The following HEATR5B variants were observed in gnomAD, a reference collection of about 807,000 sequenced individuals.
HEATR5B encodes HEAT repeat containing 5B.
HEATR5B carries 156 observed loss-of-function variants against 224.1 expected under a neutral mutation model. The observed-to-expected ratio is 0.70, with a 90% CI of 0.61 to 0.80. The LOEUF is 0.80. HEATR5B is among the 30% of genes least tolerant of loss of function. The pLI, the probability that HEATR5B is intolerant of heterozygous loss-of-function variation, is 0.00. For synonymous variants in HEATR5B, 1,027 were observed against 893.0 expected (o/e 1.15, Z -2.68); for missense variants, 2,323 against 2,535.5 (o/e 0.92, Z 1.80).
chr2:37,032,165 G>A (rs774394058), intron 22 of HEATR5B, among the ~76,000 whole-genome samples: 1 of 151,996 alleles, frequency 6.6e-6, no homozygotes, highest in Non-Finnish European at 1.5e-5. Context: ...TCAAGAAATG[G>A]CAGAAATATT....
intron 30 of HEATR5B, among the ~76,000 whole-genome samples, chr2:37,004,300 G>A (rs762973298): frequency 1.3e-5 from 2 of 151,162 alleles, no homozygotes; most frequent in Admixed American, 6.6e-5. Context: ...CTTTCCTTAT[G>A]TGCTCCTATC....
chr2:37,066,311 T>G (rs1448684543), intron 8 of HEATR5B, among the ~76,000 whole-genome samples: 1 of 152,216 alleles, frequency 6.6e-6, no homozygotes, highest in African/African-American at 2.4e-5. Flanking sequence ...GTTAATGGGC[T>G]TACATGCCTA....
At position 37,032,954 on chromosome 2, in the gene HEATR5B, C is replaced by T. The variant is rs377307265; in HGVS notation, c.3217-181G>A. On this transcript the variant is annotated intron_variant, in intron 21 of 35. Coordinates refer to ENST00000233099, the MANE Select transcript of HEATR5B (RefSeq NM_019024.3). Reference sequence around the variant, plus strand: ...GGAGCGCAGTGGCGTGATCTCAGCTCACTGCAACCTCCGCCTTCTGGTTTC... The same window carrying T: ...GGAGCGCAGTGGCGTGATCTCAGCTTACTGCAACCTCCGCCTTCTGGTTTC... Among the ~76,000 whole-genome samples, 77 of 151,302 alleles carry T rather than the reference C, an allele frequency of 5.1e-4. 1 individual carries two copies. The highest frequency in any genetic ancestry group is 6.8e-3 in the Middle Eastern group (2 of 292).
chr2:36,996,258 ACCATGTTG>A (rs1666698670), intron 33 of HEATR5B, among the ~76,000 whole-genome samples: 1 of 150,864 alleles, frequency 6.6e-6, no homozygotes, highest in African/African-American at 2.4e-5. Context: ...GAGGGATTTC[ACCATGTTG>A]GCCAGGCTGG....
intron 21 of HEATR5B, among the ~76,000 whole-genome samples, chr2:37,033,945 G>T (rs1450213011): frequency 2.6e-5 from 4 of 152,122 alleles, no homozygotes; most frequent in African/African-American, 9.7e-5. Context: ...TCCATCTGCT[G>T]CTTTTCAAGC....
chr2:37,024,025 G>C lies in HEATR5B; in HGVS notation c.3854-3189C>G, dbSNP rs1185244996. Among the ~76,000 whole-genome samples the C allele has an allele frequency of 2.6e-5, 4 of 152,076 alleles. No individual in the cohort carries two copies. The East Asian group carries it at 7.7e-4, about 29-fold the overall frequency. On this transcript the variant is annotated intron_variant, in intron 24 of 35. Transcript: ENST00000233099. ...ATGAACCAACCTGTGTCTATCAATT[G>C]ATAAAGAAAATGTGGTATAAATACA...
intron 24 of HEATR5B, among the ~76,000 whole-genome samples, chr2:37,021,618 G>A (rs1416627423): frequency 6.6e-6 from 1 of 152,126 alleles, no homozygotes; most frequent in Non-Finnish European, 1.5e-5. Context: ...GCAGGGCGAA[G>A]TGGCTCAGCC....
rs561312667 is a variant in HEATR5B, at chr2:37,083,181, C to T, written c.126+108G>A. 23 of 1,263,830 alleles carry T rather than the reference C, an allele frequency of 1.8e-5. No individual in the cohort carries two copies. In the African/African-American group the frequency reaches 2.7e-4, roughly 15 times the overall value. 78.3% of individuals were successfully genotyped at this position (1,263,830 alleles called of 1,614,324 possible). ...CCATTCGTGTAATACTCTCAAGTTC[C>T]ATAAGTGACCCATAAACCTTCCAAA... is the stretch of plus-strand genomic sequence containing the variant. On this transcript the variant is annotated intron_variant, in intron 2 of 35. Transcript: ENST00000233099.
chr2:37,079,946 CCAAA>C (rs1672453144), intron 2 of HEATR5B, among the ~76,000 whole-genome samples: 1 of 152,124 alleles, frequency 6.6e-6, no homozygotes, highest in African/African-American at 2.4e-5. Flanking sequence ...ACAGAGTTTA[CCAAA>C]CAAACAAATG....
At chr2:37,065,408 G>T (rs548058029) in intron 9 of HEATR5B, among the ~76,000 whole-genome samples, 12 of 151,768 alleles carry the variant, frequency 7.9e-5, no homozygotes, top group African/African-American at 2.7e-4. Flanking sequence ...ATGCCTCCTG[G>T]GCTTAAGCAA....
chr2:37,020,956 GA>G, intron 24 of HEATR5B, 120 bp from the exon 25 acceptor site: 1 of 599,588 alleles, frequency 1.7e-6, no homozygotes, highest in Non-Finnish European at 2.9e-6. Flanking sequence ...TCACAACTTT[GA>G]AAATAGCAAA....
chr2:37,055,862 A>G (rs1475252152), intron 16 of HEATR5B, among the ~76,000 whole-genome samples: 3 of 152,236 alleles, frequency 2.0e-5, no homozygotes, highest in Non-Finnish European at 4.4e-5. Flanking sequence ...GGAAAATCAC[A>G]ATATACAAAC....
chr2:37,048,827 A>G (rs1670360001), intron 18 of HEATR5B, among the ~76,000 whole-genome samples: 1 of 152,208 alleles, frequency 6.6e-6, no homozygotes, highest in Non-Finnish European at 1.5e-5. Context: ...GCCATTTACA[A>G]GTCAAGACAA....
chr2:37,042,543 AGGACAATGCCGT>A (rs946614972), intron 18 of HEATR5B, among the ~76,000 whole-genome samples: 3 of 152,256 alleles, frequency 2.0e-5, no homozygotes, highest in African/African-American at 7.2e-5. Context: ...AAAGTTTGTG[AGGACAATGCCGT>A]CAAAGATATC....
chr2:37,002,210 G>A (rs756085278), intron 32 of HEATR5B, 96 bp downstream of exon 32: 54 of 1,320,976 alleles, frequency 4.1e-5, no homozygotes, highest in Non-Finnish European at 5.0e-5. Context: ...TGAGATTTAA[G>A]AGGAAACTGG....
chr2:37,076,996 G>T lies in HEATR5B; in HGVS notation c.362C>A (p.Ala121Glu). 2 of 1,613,940 alleles carry T rather than the reference G, an allele frequency of 1.2e-6. No homozygotes were observed. The highest frequency in any genetic ancestry group is 1.7e-6 in the Non-Finnish European group (2 of 1,179,904). The change falls in exon 4 of 36, where the codon GCA (alanine) becomes GAA (glutamate). Residue 121 changes from alanine to glutamate, a missense_variant. Coordinates refer to ENST00000233099, the MANE Select transcript of HEATR5B (RefSeq NM_019024.3). ...CATTCTCCCCATTTTTTCATAAAAT[G>T]CTCCGACACAAGCCACCGCAGCCCT... ...TKLAAVACVG[A>E]FYEKMGRMLG...
chr2:36,982,874 A>G (rs1309241256), intron 35 of HEATR5B, among the ~76,000 whole-genome samples: 2 of 149,062 alleles, frequency 1.3e-5, no homozygotes, highest in African/African-American at 5.0e-5. Flanking sequence ...ACACACACAC[A>G]CACACACACA....
At chr2:37,063,148 A>G (rs1671385386) in intron 10 of HEATR5B, among the ~76,000 whole-genome samples, 1 of 152,114 alleles carries the variant, frequency 6.6e-6, no homozygotes, top group Non-Finnish European at 1.5e-5. Context: ...CAAATCTTTG[A>G]ATGTGGAATA....
intron 26 of HEATR5B, 125 bp from the exon 27 acceptor site, chr2:37,014,145 C>A: frequency 2.0e-6 from 1 of 492,452 alleles, no homozygotes. Flanking sequence ...AATAAACTAC[C>A]CAATGCTATG....
Sources: allele counts gnomAD v4.1 joint callset (sites outside exome capture counted in the v4.1 genomes callset), GRCh38; gene constraint gnomAD v4.1.1; transcripts MANE v1.5; gene names NCBI Gene and HGNC (gene_info 2026-07-23, HGNC 2026-07-21).